Variants in NRXN1 observed in about 807,000 individuals in gnomAD.
NRXN1 encodes neurexin-1.
In NRXN1, 39 loss-of-function variants were observed where a neutral mutation model predicts 150.9. The ratio of observed to expected loss-of-function variants is 0.26; its 90% CI spans 0.20 to 0.34. The LOEUF is 0.34. NRXN1 is among the 10% of genes least tolerant of loss of function. NRXN1 has a pLI of 1.00. For missense variants in NRXN1, 1,815 were observed against 1,949.9 expected (o/e 0.93, Z 1.30); for synonymous variants, 924 against 757.0 (o/e 1.22, Z -3.62).
chr2:50,381,522 AACACAC>A (rs59726557), intron 17 of NRXN1, among the ~76,000 whole-genome samples: 13,002 of 128,448 alleles, frequency 0.1, 708 homozygotes, highest in East Asian at 0.18. Context: ...CAGGCTTTTA[AACACAC>A]ACACACACAC....
At chr2:50,143,384 T>C (rs1196252376) in intron 18 of NRXN1, among the ~76,000 whole-genome samples, 2 of 151,916 alleles carry the variant, frequency 1.3e-5, no homozygotes, top group African/African-American at 2.4e-5. Flanking sequence ...TTTATAGTTA[T>C]GTAAGAACAC....
chr2:50,956,978 A>G (rs1474290191), intron 2 of NRXN1, among the ~76,000 whole-genome samples: 1 of 152,116 alleles, frequency 6.6e-6, no homozygotes, highest in Non-Finnish European at 1.5e-5. Context: ...TACCACACAC[A>G]ATAGTATCCA....
chr2:50,328,950 A>C (rs188530244), intron 17 of NRXN1, among the ~76,000 whole-genome samples: 8 of 152,228 alleles, frequency 5.3e-5, no homozygotes, highest in Admixed American at 5.2e-4. Context: ...ATGCTAGCTC[A>C]ATACCCCCTG....
intron 22 of NRXN1, among the ~76,000 whole-genome samples, chr2:49,942,820 G>A (rs1672236109): frequency 6.6e-6 from 1 of 152,120 alleles, no homozygotes; most frequent in African/African-American, 2.4e-5. Context: ...ATGTTGGCCA[G>A]GGTGGTCTCA....
intron 17 of NRXN1, among the ~76,000 whole-genome samples, chr2:50,319,924 T>C (rs1358228182): frequency 6.6e-6 from 1 of 152,036 alleles, no homozygotes; most frequent in African/African-American, 2.4e-5. Flanking sequence ...TCAGTCTTAT[T>C]AGAAATAGGA....
intron 17 of NRXN1, among the ~76,000 whole-genome samples, chr2:50,270,689 G>C (rs1243943723): frequency 2.0e-5 from 2 of 98,298 alleles, no homozygotes; most frequent in African/African-American, 8.2e-5. Flanking sequence ...TTTTTTTTTT[G>C]AAACAGAGTC....
intron 5 of NRXN1, among the ~76,000 whole-genome samples, chr2:50,837,221 C>G (rs1006952167): frequency 2.6e-5 from 4 of 152,148 alleles, no homozygotes; most frequent in Non-Finnish European, 4.4e-5. Flanking sequence ...GTGTTATCTA[C>G]TCATAGCCAA....
At chr2:50,013,962 G>A (rs979207439) in intron 21 of NRXN1, among the ~76,000 whole-genome samples, 2 of 152,114 alleles carry the variant, frequency 1.3e-5, no homozygotes, top group African/African-American at 2.4e-5. Context: ...GGGTTATTTG[G>A]AGATAAGCCT....
chr2:50,195,420 C>T lies in NRXN1; in HGVS notation c.3546+41369G>A, dbSNP rs949233971. Among the ~76,000 whole-genome samples the T allele has an allele frequency of 2.6e-5, 4 of 152,224 alleles. No homozygotes were observed. In the East Asian group the frequency reaches 7.7e-4, roughly 29 times the overall value. The stretch of plus-strand genomic sequence containing the variant: ...TTCAGTAGTAATTCTGCATTTTGTG[C>T]TAAATTTTAACAGTGATTGCCATTT... On this transcript the variant is annotated intron_variant, in intron 18 of 22. Transcript: ENST00000401669.
At chr2:50,760,891 T>A (rs1228145861) in intron 5 of NRXN1, among the ~76,000 whole-genome samples, 1 of 151,876 alleles carries the variant, frequency 6.6e-6, no homozygotes, top group Non-Finnish European at 1.5e-5. Context: ...CTATTCACAT[T>A]GTTTGTGCCT....
chr2:49,963,476 G>A (rs961811917), intron 21 of NRXN1, among the ~76,000 whole-genome samples: 3 of 152,210 alleles, frequency 2.0e-5, no homozygotes, highest in Non-Finnish European at 2.9e-5. Context: ...TTTGGGCGGT[G>A]GCAGAGTGTC....
intron 18 of NRXN1, among the ~76,000 whole-genome samples, chr2:50,110,255 C>A (rs1702198322): frequency 6.6e-6 from 1 of 151,986 alleles, no homozygotes; most frequent in Admixed American, 6.5e-5. Context: ...CTTTGGGAGG[C>A]TGAGGTGGGC....
intron 5 of NRXN1, among the ~76,000 whole-genome samples, chr2:50,639,626 C>T (rs1683776230): frequency 6.6e-6 from 1 of 152,000 alleles, no homozygotes; most frequent in African/African-American, 2.4e-5. Flanking sequence ...TCTATTTTTT[C>T]ATCATGACAT....
intron 2 of NRXN1, among the ~76,000 whole-genome samples, chr2:50,950,183 C>G (rs1187912099): frequency 6.6e-6 from 1 of 151,748 alleles, no homozygotes; most frequent in Non-Finnish European, 1.5e-5. Context: ...TCCTTTTTTT[C>G]TGGATTCTAC....
At chr2:50,631,222 C>A (rs1682262253) in intron 5 of NRXN1, 1 of 394,452 alleles carries the variant, frequency 2.5e-6, no homozygotes, top group South Asian at 2.0e-5. Flanking sequence ...TCTTGTTCTG[C>A]AGCGAGTAAT....
At chr2:50,519,899 A>G (rs1185786051) in intron 12 of NRXN1, among the ~76,000 whole-genome samples, 2 of 151,944 alleles carry the variant, frequency 1.3e-5, no homozygotes, top group East Asian at 1.9e-4. Flanking sequence ...ATTGCTTTAT[A>G]TAACCTTGGC....
At chr2:50,325,878 C>T (rs2076353959) in intron 17 of NRXN1, among the ~76,000 whole-genome samples, 1 of 152,140 alleles carries the variant, frequency 6.6e-6, no homozygotes. Context: ...AATGTCAGCA[C>T]TTTACTTTTC....
intron 18 of NRXN1, among the ~76,000 whole-genome samples, chr2:50,115,332 G>T (rs1255049936): frequency 6.6e-6 from 1 of 150,536 alleles, no homozygotes; most frequent in African/African-American, 2.4e-5. Flanking sequence ...GACCACAGAA[G>T]AAACAAATTT....
chr2:50,872,016 G>A (rs1249520413), intron 5 of NRXN1, among the ~76,000 whole-genome samples: 5 of 151,692 alleles, frequency 3.3e-5, no homozygotes, highest in African/African-American at 9.7e-5. Context: ...AATATTTAGA[G>A]AAAGTGTAAG....
Sources: gnomAD v4.1 joint callset for allele counts (sites outside exome capture counted in the v4.1 genomes callset) on GRCh38, gnomAD v4.1.1 for gene constraint, MANE v1.5 for transcripts, NCBI Gene and HGNC (gene_info 2026-07-23, HGNC 2026-07-21) for gene names.